TRPC4: variants seen among roughly 807,000 people sequenced by gnomAD.
The protein encoded by TRPC4 is short transient receptor potential channel 4.
In TRPC4, 49 loss-of-function variants were observed where a neutral mutation model predicts 99.4. The observed-to-expected ratio is 0.49, with a 90% CI of 0.39 to 0.63. The LOEUF (loss-of-function observed/expected upper bound fraction) is 0.63, where lower values mean the gene tolerates loss of function less well. TRPC4 is among the 20% of genes least tolerant of loss of function. The pLI is 0.00. For missense variants in TRPC4, 898 were observed against 1,152.9 expected, an observed-to-expected ratio of 0.78 and a Z score of 3.20; for synonymous variants, 454 against 425.9, an observed-to-expected ratio of 1.07 and a Z score of -0.81.
intron 5 of TRPC4, among the ~76,000 whole-genome samples, chr13:37,670,978 C>T (rs1160828704): frequency 6.6e-6 from 1 of 152,114 alleles, no homozygotes; most frequent in East Asian, 1.9e-4. Context: ...ACAGTAGCCC[C>T]TCTTATAGAC....
At chr13:37,643,109 G>A (rs1464014420) in intron 8 of TRPC4, among the ~76,000 whole-genome samples, 1 of 152,150 alleles carries the variant, frequency 6.6e-6, no homozygotes, top group East Asian at 1.9e-4. Flanking sequence ...TCCTATCTGA[G>A]TCCTGGGATA....
At chr13:37,833,583 T>G (rs1958481534) in intron 1 of TRPC4, among the ~76,000 whole-genome samples, 1 of 152,188 alleles carries the variant, frequency 6.6e-6, no homozygotes. Context: ...TTACTTAGCC[T>G]TGCCTTTGGG....
intron 1 of TRPC4, among the ~76,000 whole-genome samples, chr13:37,811,657 C>G (rs1238581469): frequency 6.6e-6 from 1 of 152,042 alleles, no homozygotes; most frequent in Non-Finnish European, 1.5e-5. Context: ...AAGGAATTAC[C>G]AGAGGCCAGG....
rs7332646 is a variant in TRPC4 at position 37,820,471 on chromosome 13, C to T, written c.-27-37111G>A. On this transcript the variant is annotated intron_variant, in intron 1 of 10. Coordinates refer to ENST00000379705, the MANE Select transcript of TRPC4 (RefSeq NM_016179.4). Reference sequence around the variant, plus strand: ...GAATCCTCCTGACACCCAAACCTTACGGAGACACAACCAAAAAATAAAACT... The same window carrying T: ...GAATCCTCCTGACACCCAAACCTTATGGAGACACAACCAAAAAATAAAACT... Among the ~76,000 whole-genome samples, 1,140 of 152,066 alleles carry T rather than the reference C, an allele frequency of 7.5e-3. 7 individuals are homozygous for T. The highest frequency in any genetic ancestry group is 0.028 in the East Asian group (146 of 5,178).
intron 1 of TRPC4, among the ~76,000 whole-genome samples, chr13:37,858,885 A>C (rs1418187963): frequency 6.6e-6 from 1 of 151,244 alleles, no homozygotes; most frequent in African/African-American, 2.4e-5. Context: ...AACTGTGACT[A>C]AAGTCAAACT....
chr13:37,859,939 C>A (rs1959218723), intron 1 of TRPC4, among the ~76,000 whole-genome samples: 1 of 150,692 alleles, frequency 6.6e-6, no homozygotes. Flanking sequence ...TGTGTTGGTG[C>A]ATAGAAATTA....
chr13:37,636,674 A>T lies in TRPC4; in HGVS notation c.*229T>A. The T allele has an allele frequency of 2.3e-6, 1 of 429,008 alleles. No homozygotes were observed. The highest frequency in any genetic ancestry group is 4.0e-6 in the Non-Finnish European group (1 of 249,366). The allele number at this position is 429,008 out of a possible 1,614,324, so 26.6% of individuals were successfully genotyped here. A position where few individuals can be genotyped will look rare whatever the true frequency, so the allele number is the denominator to read the frequency against. On this transcript the variant is annotated 3_prime_UTR_variant, in exon 11 of 11. Coordinates refer to ENST00000379705, the MANE Select transcript of TRPC4 (RefSeq NM_016179.4). Reference sequence around the variant, plus strand: ...ACAAGAATACAAGGTGCATTTATTTATTAACAAAAACAATTGTAAGACAAA... The same window carrying T: ...ACAAGAATACAAGGTGCATTTATTTTTTAACAAAAACAATTGTAAGACAAA...
At chr13:37,698,716 T>C (rs574490249) in intron 3 of TRPC4, among the ~76,000 whole-genome samples, 3 of 152,230 alleles carry the variant, frequency 2.0e-5, no homozygotes, top group Admixed American at 6.5e-5. Context: ...ACCAAATCAC[T>C]GAACTCTTGT....
chr13:37,638,904 T>A, intron 10 of TRPC4, 136 bp downstream of exon 10: 1 of 815,060 alleles, frequency 1.2e-6, no homozygotes, highest in African/African-American at 1.7e-5. Flanking sequence ...TTCTGTAGGG[T>A]TTCAGCTGAA....
chr13:37,842,522 G>A (rs1958773803), intron 1 of TRPC4, among the ~76,000 whole-genome samples: 1 of 152,068 alleles, frequency 6.6e-6, no homozygotes, highest in Non-Finnish European at 1.5e-5. Flanking sequence ...TGGCTTATAA[G>A]GCACAAAATT....
At chr13:37,857,186 T>A (rs1193875386) in intron 1 of TRPC4, among the ~76,000 whole-genome samples, 1 of 151,154 alleles carries the variant, frequency 6.6e-6, no homozygotes, top group Non-Finnish European at 1.5e-5. Context: ...TAGCCACACA[T>A]AAAAATAAAT....
At position 37,823,713 on chromosome 13, in the gene TRPC4, C is replaced by A. The variant is rs567494183; in HGVS notation, c.-27-40353G>T. Among the ~76,000 whole-genome samples the A allele has an allele frequency of 2.2e-3, 322 of 148,838 alleles. 2 individuals are homozygous for A. Among genetic ancestry groups the A allele is most frequent in the African/African-American group, 7.5e-3 (303 of 40,510 alleles). ...TTTGAAGTCAGGTAGTGTGATGCCT[C>A]CAGCTTTGTTCTTTTGGCTTAGGAT... On this transcript the variant is annotated intron_variant, in intron 1 of 10. Coordinates refer to ENST00000379705, the MANE Select transcript of TRPC4 (RefSeq NM_016179.4).
At chr13:37,857,022 T>C (rs1959179902) in intron 1 of TRPC4, among the ~76,000 whole-genome samples, 1 of 151,364 alleles carries the variant, frequency 6.6e-6, no homozygotes, top group Non-Finnish European at 1.5e-5. Flanking sequence ...TTATTCAACA[T>C]AGTACCTAAA....
At chr13:37,742,721 C>T (rs1011118490) in intron 3 of TRPC4, among the ~76,000 whole-genome samples, 2 of 152,040 alleles carry the variant, frequency 1.3e-5, no homozygotes, top group African/African-American at 4.8e-5. Flanking sequence ...CTTATTTAGA[C>T]CAAACCAAGG....
intron 2 of TRPC4, among the ~76,000 whole-genome samples, chr13:37,754,005 C>T (rs1956027358): frequency 6.6e-6 from 1 of 152,080 alleles, no homozygotes; most frequent in Non-Finnish European, 1.5e-5. Context: ...ATGGAGAGGG[C>T]AGCGAAAAGC....
intron 3 of TRPC4, among the ~76,000 whole-genome samples, chr13:37,731,107 T>G (rs1287819497): frequency 6.6e-6 from 1 of 152,082 alleles, no homozygotes; most frequent in Non-Finnish European, 1.5e-5. Context: ...CACAACATGT[T>G]AGATTTTTAG....
intron 1 of TRPC4, among the ~76,000 whole-genome samples, chr13:37,783,695 C>T (rs1203520250): frequency 2.6e-5 from 4 of 151,988 alleles, no homozygotes; most frequent in African/African-American, 9.7e-5. Flanking sequence ...AGTTTTCAAT[C>T]ACTTTGAGTA....
At chr13:37,837,189 C>G (rs1433418037) in intron 1 of TRPC4, among the ~76,000 whole-genome samples, 1 of 152,272 alleles carries the variant, frequency 6.6e-6, no homozygotes, top group South Asian at 2.1e-4. Context: ...GCAGGGCCCT[C>G]ATAGAGAACC....
chr13:37,825,154 C>T (rs1273665534), intron 1 of TRPC4, among the ~76,000 whole-genome samples: 1 of 151,824 alleles, frequency 6.6e-6, no homozygotes, highest in Admixed American at 6.6e-5. Flanking sequence ...CTATTTGATT[C>T]TTCTCTCTTT....
Sources: gnomAD v4.1 joint callset for allele counts (sites outside exome capture counted in the v4.1 genomes callset) on GRCh38, gnomAD v4.1.1 for gene constraint, MANE v1.5 for transcripts, NCBI Gene and HGNC (gene_info 2026-07-23, HGNC 2026-07-21) for gene names.